IAH1: variants seen among roughly 807,000 people sequenced by gnomAD.
IAH1 encodes isoamyl acetate-hydrolyzing esterase 1 homolog.
In IAH1, 24 loss-of-function variants were observed where a neutral mutation model predicts 26.7. The ratio of observed to expected loss-of-function variants is 0.90; its 90% confidence interval spans 0.65 to 1.26. The LOEUF is 1.26. IAH1 is among the 50% of genes most tolerant of loss of function. IAH1 has a pLI of 0.00. For missense variants in IAH1, 300 were observed against 299.9 expected, an observed-to-expected ratio of 1.00 and a Z score of 0.00; for synonymous variants, 140 against 118.5, an observed-to-expected ratio of 1.18 and a Z score of -1.18.
chr2:9,476,010 G>A lies in IAH1; in HGVS notation c.105G>A (p.Trp35Ter). The change falls in exon 2 of 6, where the codon TGG becomes TGA. Residue 35 changes from tryptophan (W) to a stop codon, truncating the protein, a stop_gained. Coordinates refer to ENST00000497473, the MANE Select transcript of IAH1 (RefSeq NM_001039613.3). LOFTEE classifies it high-confidence loss of function. ...AGTTTTCCTTCCAGCAGGGTGGATG[G>A]GGAGCATCGCTGGCTGACAGGCTGG... is the stretch of plus-strand genomic sequence containing the variant. Reference protein sequence around the residue: ...ITQFSFQQGGWGASLADRLVR... With the variant: ...ITQFSFQQGG The A allele has an allele frequency of 6.2e-7, 1 of 1,613,846 alleles. No homozygotes were observed. The highest frequency in any genetic ancestry group is 8.5e-7 in the Non-Finnish European group (1 of 1,179,954).
intron 6 of IAH1, chr2:9,496,226 T>C (rs564657302): frequency 2.6e-5 from 4 of 152,296 alleles, no homozygotes; most frequent in South Asian, 2.1e-4. Flanking sequence ...CCCCCTGGGT[T>C]CAAGCAATTC....
Position 9,474,617 on chromosome 2 carries a change from C to A in IAH1, c.51C>A (p.Arg17=). The part of the protein sequence containing the change: ...AGCGSALLWP[R]LLLFGDSITQ... ...GCGGGAGTGCCCTGCTCTGGCCTCG[C>A]TTGTTGCTCTTCGGGGACTCCATCA... Residue 17 remains arginine (R), a synonymous_variant, in exon 1 of 6, where the codon CGC becomes CGA. Transcript: ENST00000497473. This position sits in a 1 kb window ranked among gnomAD's most constrained non-coding sequence, Gnocchi z 4.3. The A allele has an allele frequency of 6.4e-7, 1 of 1,556,260 alleles. No individual in the cohort carries two copies.
chr2:9,478,445 C>CTT, intron 3 of IAH1, 75 bp downstream of exon 3: 1 of 1,346,918 alleles, frequency 7.4e-7, no homozygotes, highest in Non-Finnish European at 1.0e-6. Context: ...ATTTAATATA[C>CTT]TTTTTTCAAC....
Position 9,484,802 on chromosome 2 carries a change from C to A in IAH1, c.564+252C>A, listed in dbSNP as rs1307153553. 5 of 404,808 alleles carry A rather than the reference C, an allele frequency of 1.2e-5. No individual in the cohort carries two copies. In the Admixed American group the frequency reaches 2.1e-4, roughly 17 times the overall value. 25.1% of individuals were successfully genotyped at this position (404,808 alleles called of 1,614,324 possible). A position where few individuals can be genotyped will look rare whatever the true frequency, so the allele number is the denominator to read the frequency against. ...AGTGACATCAATGAGCAACACATGG[C>A]TCATATTTATGAACGTCCAGGCCAA... On this transcript the variant is annotated intron_variant, in intron 5 of 5. Transcript: ENST00000497473.
chr2:9,487,010 T>C (rs1206521994), intron 5 of IAH1, among the ~76,000 whole-genome samples: 4 of 151,792 alleles, frequency 2.6e-5, no homozygotes, highest in Non-Finnish European at 4.4e-5. Flanking sequence ...GGTGGGAGTA[T>C]TGCTTGAGCC....
chr2:9,480,490 C>T (rs555148228), intron 3 of IAH1, among the ~76,000 whole-genome samples: 13 of 152,294 alleles, frequency 8.5e-5, no homozygotes, highest in African/African-American at 3.1e-4. Flanking sequence ...GAGCGAGAAC[C>T]TGTCTCTAAA....
At chr2:9,480,191 A>AT (rs1400109445) in intron 3 of IAH1, among the ~76,000 whole-genome samples, 5 of 151,984 alleles carry the variant, frequency 3.3e-5, no homozygotes, top group East Asian at 1.9e-4. Context: ...ACTAAATTTC[A>AT]TTTTTTTGCA....
chr2:9,489,893 A>G, downstream of IAH1: 1 of 346,228 alleles, frequency 2.9e-6, no homozygotes, highest in Non-Finnish European at 5.3e-6. Context: ...AATATTCATA[A>G]CCCAATCCAG....
At chr2:9,482,816 C>T (rs577946292) in intron 4 of IAH1, among the ~76,000 whole-genome samples, 2 of 152,324 alleles carry the variant, frequency 1.3e-5, no homozygotes, top group African/African-American at 4.8e-5. Flanking sequence ...GGAGAAACCC[C>T]AGCCTGCGGG....
the IAH1 span, chr2:9,502,253 T>G: frequency 6.2e-7 from 1 of 1,614,016 alleles, no homozygotes; most frequent in Admixed American, 1.7e-5. Context: ...CTGACAGTTT[T>G]TACAGCAAGG....
chr2:9,493,686 T>C, downstream of IAH1: 2 of 1,447,832 alleles, frequency 1.4e-6, no homozygotes, highest in South Asian at 1.2e-5. Flanking sequence ...AAGCACACTT[T>C]TCTAATGTCA....
At chr2:9,489,939 T>C (rs1171476482), downstream of IAH1, 5 of 446,698 alleles carry the variant, frequency 1.1e-5, no homozygotes, top group Non-Finnish European at 2.0e-5. Flanking sequence ...GGTCAAAAGA[T>C]ATTTTAAAAA....
chr2:9,510,656 T>C, the IAH1 span, among the ~76,000 whole-genome samples: 1 of 147,032 alleles, frequency 6.8e-6, no homozygotes, highest in Non-Finnish European at 1.5e-5. Flanking sequence ...AGGGCGAGAC[T>C]TCGTCTCAAA....
At chr2:9,506,136 C>A in the IAH1 span, among the ~76,000 whole-genome samples, 1 of 152,190 alleles carries the variant, frequency 6.6e-6, no homozygotes, top group East Asian at 1.9e-4. Context: ...AGCATAGTTA[C>A]TTCTTAGGTC....
Position 9,484,584 on chromosome 2 carries a change from T to C in IAH1, c.564+34T>C, listed in dbSNP as rs749123114. ...GCTTGCTCGGTCCTCTCGGGGTAAA[T>C]AGGATCACACAGAAGTAAACCAGGT... On this transcript the variant is annotated intron_variant, in intron 5 of 5. Coordinates refer to ENST00000497473, the MANE Select transcript of IAH1 (RefSeq NM_001039613.3). The C allele has an allele frequency of 1.3e-5, 19 of 1,416,934 alleles. No homozygotes were observed. The East Asian group carries it at 1.4e-4, about 10-fold the overall frequency. 87.8% of individuals were successfully genotyped at this position (1,416,934 alleles called of 1,614,324 possible). A position where few individuals can be genotyped will look rare whatever the true frequency, so the allele number is the denominator to read the frequency against.
At chr2:9,499,190 A>C (rs1257417247), downstream of IAH1, among the ~76,000 whole-genome samples, 1 of 144,938 alleles carries the variant, frequency 6.9e-6, no homozygotes, top group Non-Finnish European at 1.5e-5. Flanking sequence ...TCAGGAACTT[A>C]TCCTCTGCTA....
Position 9,489,644 on chromosome 2 carries a change from ACT to A in IAH1, c.*1318_*1319del, listed in dbSNP as rs1661924587. ...TATATATTTTCCCTGCTACATAAAA[ACT>A]CTGGGTAATAACTAGAAATAGACCC... On this transcript the variant is annotated 3_prime_UTR_variant, in exon 6 of 6. Coordinates refer to ENST00000497473, the MANE Select transcript of IAH1 (RefSeq NM_001039613.3). 6.6e-6 allele frequency: 1 copy of A among 150,508 alleles called. No homozygotes were observed. 9.3% of individuals were successfully genotyped at this position (150,508 alleles called of 1,614,324 possible).
chr2:9,473,876 G>T (rs1021786079), upstream of IAH1: 1 of 152,212 alleles, frequency 6.6e-6, no homozygotes, highest in Non-Finnish European at 1.5e-5. Flanking sequence ...TAGCTCGGCT[G>T]CCGAACTTCA....
intron 5 of IAH1, among the ~76,000 whole-genome samples, 170 bp from the exon 6 acceptor site, chr2:9,487,977 G>T (rs142648763): frequency 1.3e-5 from 2 of 152,064 alleles, no homozygotes; most frequent in Admixed American, 1.3e-4. Context: ...GGGAATACAG[G>T]TGTTTGCCAC....
Sources: gnomAD v4.1 joint callset for allele counts (sites outside exome capture counted in the v4.1 genomes callset) on GRCh38, gnomAD v4.1.1 for gene constraint, Gnocchi (gnomAD v3.1) non-coding constraint, MANE v1.5 for transcripts, NCBI Gene and HGNC (gene_info 2026-07-23, HGNC 2026-07-21) for gene names.